Variants in B3GALT1 observed in about 807,000 individuals in gnomAD.
B3GALT1 encodes beta-1,3-galactosyltransferase 1, also known as UDP-Gal:betaGlcNAc beta 1,3-galactosyltransferase, polypeptide 1.
A neutral mutation model predicts 23.2 loss-of-function variants in B3GALT1; 10 were observed. The observed-to-expected ratio is 0.43, with a 90% CI of 0.27 to 0.73. The LOEUF is 0.73. Ranked by LOEUF, B3GALT1 falls within the 30% of genes least tolerant of loss-of-function variation. B3GALT1 has a pLI of 0.21. For missense variants in B3GALT1, 299 were observed against 405.4 expected, an observed-to-expected ratio of 0.74 and a Z score of 2.25; for synonymous variants, 156 against 141.5, an observed-to-expected ratio of 1.10 and a Z score of -0.73.
chr2:167,797,280 A>G (rs571634134), intron 3 of B3GALT1, among the ~76,000 whole-genome samples: 1 of 152,298 alleles, frequency 6.6e-6, no homozygotes, highest in African/African-American at 2.4e-5. Flanking sequence ...TTCCAGCTCC[A>G]TCCATGTTTC....
At chr2:167,480,381 G>A (rs1322375854) in intron 1 of B3GALT1, among the ~76,000 whole-genome samples, 1 of 152,164 alleles carries the variant, frequency 6.6e-6, no homozygotes, top group Non-Finnish European at 1.5e-5. Context: ...CAGCCTGCGA[G>A]GCTAGAAGCA....
chr2:167,609,444 A>AC (rs1248238949), intron 2 of B3GALT1, among the ~76,000 whole-genome samples: 15 of 152,116 alleles, frequency 9.9e-5, no homozygotes, highest in African/African-American at 3.6e-4. Flanking sequence ...GTAGGGTGGG[A>AC]CGAGTGGCTC....
intron 2 of B3GALT1, among the ~76,000 whole-genome samples, chr2:167,563,129 A>G (rs1364884914): frequency 6.6e-6 from 1 of 151,136 alleles, no homozygotes; most frequent in Non-Finnish European, 1.5e-5. Context: ...CAAAACCGCC[A>G]TTGTCATCAT....
intron 3 of B3GALT1, among the ~76,000 whole-genome samples, chr2:167,809,952 G>C: frequency 2.0e-5 from 3 of 152,304 alleles, no homozygotes; most frequent in Admixed American, 2.0e-4. Flanking sequence ...CTTCCTGGCT[G>C]CTTTGTTTAC....
chr2:167,443,057 T>A (rs1466791431), intron 1 of B3GALT1, among the ~76,000 whole-genome samples: 2 of 152,010 alleles, frequency 1.3e-5, no homozygotes, highest in South Asian at 2.1e-4. Context: ...TTGTATAAGG[T>A]GTAAGGAAGG....
At chr2:167,680,406 TGAGAGAGAGA>T (rs60938313) in intron 3 of B3GALT1, among the ~76,000 whole-genome samples, 1 of 149,486 alleles carries the variant, frequency 6.7e-6, no homozygotes, top group Non-Finnish European at 1.5e-5. Context: ...AGAAACAGAT[TGAGAGAGAGA>T]GAGAGAGAGA....
chr2:167,694,704 T>G (rs1022511377), intron 3 of B3GALT1, among the ~76,000 whole-genome samples: 1 of 152,088 alleles, frequency 6.6e-6, no homozygotes, highest in African/African-American at 2.4e-5. Context: ...TTTAGTGTTA[T>G]TTCCACCACA....
chr2:167,769,508 C>T (rs1419279829), intron 3 of B3GALT1, among the ~76,000 whole-genome samples: 2 of 152,128 alleles, frequency 1.3e-5, no homozygotes, highest in Non-Finnish European at 2.9e-5. Context: ...CACTATTAAA[C>T]TACAGAATAG....
chr2:167,582,055 G>C (rs887775442), intron 2 of B3GALT1, among the ~76,000 whole-genome samples: 19 of 152,204 alleles, frequency 1.2e-4, no homozygotes, highest in African/African-American at 4.3e-4. Flanking sequence ...CCAATGAACT[G>C]ATTTAAAATG....
chr2:167,837,481 C>G (rs1378553945), intron 4 of B3GALT1, among the ~76,000 whole-genome samples: 2 of 151,642 alleles, frequency 1.3e-5, no homozygotes, highest in African/African-American at 4.9e-5. Flanking sequence ...AGCTAACTAT[C>G]CTAAATATAT....
intron 2 of B3GALT1, among the ~76,000 whole-genome samples, chr2:167,537,698 C>T (rs887504595): frequency 6.6e-6 from 1 of 152,172 alleles, no homozygotes; most frequent in Non-Finnish European, 1.5e-5. Context: ...CTGACCTCCA[C>T]TCCGCCTATC....
intron 3 of B3GALT1, among the ~76,000 whole-genome samples, chr2:167,807,355 A>G (rs1043702198): frequency 2.6e-5 from 4 of 152,238 alleles, no homozygotes; most frequent in African/African-American, 9.6e-5. Flanking sequence ...GCCTTCTGCT[A>G]GCTTTTAAAT....
intron 1 of B3GALT1, among the ~76,000 whole-genome samples, chr2:167,377,151 A>G (rs888514581): frequency 2.0e-5 from 3 of 152,018 alleles, no homozygotes; most frequent in Non-Finnish European, 4.4e-5. Context: ...TGGTTTTGAG[A>G]TATCTTGGTA....
chr2:167,817,641 A>G (rs1279628399), intron 3 of B3GALT1, among the ~76,000 whole-genome samples: 1 of 152,198 alleles, frequency 6.6e-6, no homozygotes, highest in Non-Finnish European at 1.5e-5. Flanking sequence ...TATTGTTCAC[A>G]TGGGGCCACA....
At chr2:167,691,438 A>C (rs1686709445) in intron 3 of B3GALT1, among the ~76,000 whole-genome samples, 1 of 152,172 alleles carries the variant, frequency 6.6e-6, no homozygotes, top group Non-Finnish European at 1.5e-5. Flanking sequence ...TCATCAAAAC[A>C]TATAATTAAA....
chr2:167,329,584 G>T (rs1384307080), intron 1 of B3GALT1, among the ~76,000 whole-genome samples: 3 of 152,014 alleles, frequency 2.0e-5, no homozygotes, highest in Non-Finnish European at 4.4e-5. Flanking sequence ...CACTATTATT[G>T]TACTGCAGTC....
At chr2:167,585,317 AT>A (rs1289046789) in intron 2 of B3GALT1, among the ~76,000 whole-genome samples, 4 of 152,172 alleles carry the variant, frequency 2.6e-5, no homozygotes, top group Non-Finnish European at 5.9e-5. Context: ...CATGTCCAAA[AT>A]TTATATGTTG....
chr2:167,501,571 A>C (rs996521144), intron 2 of B3GALT1, among the ~76,000 whole-genome samples: 3 of 151,960 alleles, frequency 2.0e-5, no homozygotes, highest in African/African-American at 7.2e-5. Context: ...ACAAAACACA[A>C]AAAAGATTTT....
At chr2:167,814,211 A>G (rs565085989) in intron 3 of B3GALT1, among the ~76,000 whole-genome samples, 1 of 152,286 alleles carries the variant, frequency 6.6e-6, no homozygotes, top group South Asian at 2.1e-4. Context: ...TACTTCTTTG[A>G]TAACTCTGTC....
Sources: allele counts gnomAD v4.1 joint callset (sites outside exome capture counted in the v4.1 genomes callset), GRCh38; gene constraint gnomAD v4.1.1; transcripts MANE v1.5; gene names NCBI Gene and HGNC (gene_info 2026-07-23, HGNC 2026-07-21).